Variants in SLCO1B1 observed in about 807,000 individuals in gnomAD.
SLCO1B1 encodes OATP-2.
A neutral mutation model predicts 70.1 loss-of-function variants in SLCO1B1; 81 were observed. That is an observed-to-expected ratio of 1.16 (90% CI 0.97 to 1.39). The LOEUF (loss-of-function observed/expected upper bound fraction) is 1.39, where lower values mean the gene tolerates loss of function less well. SLCO1B1 is among the 40% of genes most tolerant of loss of function. The pLI, the probability that SLCO1B1 is intolerant of heterozygous loss-of-function variation, is 0.00. For missense variants in SLCO1B1, 895 were observed against 799.6 expected (o/e 1.12, Z -1.44); for synonymous variants, 283 against 271.5 (o/e 1.04, Z -0.42).
intron 11 of SLCO1B1, among the ~76,000 whole-genome samples, chr12:21,211,517 A>G (rs536213809): frequency 6.6e-6 from 1 of 152,292 alleles, no homozygotes; most frequent in Admixed American, 6.5e-5. Flanking sequence ...TTGGTCTAAG[A>G]TTCTCTTTTT....
At position 21,177,041 on chromosome 12, in the gene SLCO1B1, G is replaced by A; in HGVS notation, c.481+144G>A. The A allele has an allele frequency of 4.6e-6, 3 of 653,270 alleles. 1 individual carries two copies. The highest frequency in any genetic ancestry group is 8.2e-6 in the Non-Finnish European group (3 of 366,570). 40.5% of individuals were successfully genotyped at this position (653,270 alleles called of 1,614,324 possible). On this transcript the variant is annotated intron_variant, in intron 5 of 14. Coordinates refer to ENST00000256958, the MANE Select transcript of SLCO1B1 (RefSeq NM_006446.5). ...TGACTCTTACAGACATAATTATAGT[G>A]TTAATATACACAGTTCGCCCATTAA... is the stretch of plus-strand genomic sequence containing the variant.
intron 2 of SLCO1B1, among the ~76,000 whole-genome samples, chr12:21,162,942 A>G (rs1462157407): frequency 6.6e-6 from 1 of 152,156 alleles, no homozygotes; most frequent in Non-Finnish European, 1.5e-5. Flanking sequence ...GTGTGAAGTT[A>G]TTTTTGTGGG....
intron 2 of SLCO1B1, among the ~76,000 whole-genome samples, chr12:21,152,354 C>T (rs924672054): frequency 6.6e-6 from 1 of 151,568 alleles, no homozygotes; most frequent in Non-Finnish European, 1.5e-5. Context: ...ATCCAACATC[C>T]TTTCTGTATC....
Position 21,176,859 on chromosome 12 carries a change from TA to T in SLCO1B1, c.444del (p.Leu148PhefsTer10). The part of the protein sequence containing the change: ...TLSTCLINQI[L>X]SLNRASPEIV... ...TCCACTTGTTTAATTAATCAAATTT[TA>T]TCACTCAATAGAGCATCACCTGAGA... On this transcript the variant is annotated frameshift_variant, in exon 5 of 15. Transcript: ENST00000256958. LOFTEE classifies it high-confidence loss of function. 1 of 1,559,286 alleles carries T rather than the reference TA, an allele frequency of 6.4e-7. No individual in the cohort carries two copies. Among genetic ancestry groups the T allele is most frequent in the Non-Finnish European group, 8.8e-7 (1 of 1,129,972 alleles).
chr12:21,219,336 G>T (rs562215569), intron 12 of SLCO1B1, among the ~76,000 whole-genome samples: 1 of 152,262 alleles, frequency 6.6e-6, no homozygotes, highest in East Asian at 1.9e-4. Flanking sequence ...GACATAGGAG[G>T]AACAATCCAG....
intron 14 of SLCO1B1, among the ~76,000 whole-genome samples, chr12:21,232,196 C>G (rs1248915883): frequency 6.6e-6 from 1 of 152,156 alleles, no homozygotes; most frequent in Non-Finnish European, 1.5e-5. Flanking sequence ...TCCCAGGCCA[C>G]CATTGTGAAA....
chr12:21,155,696 C>T (rs1382767126), intron 2 of SLCO1B1, among the ~76,000 whole-genome samples: 1 of 152,126 alleles, frequency 6.6e-6, no homozygotes, highest in Admixed American at 6.6e-5. Flanking sequence ...GGAAATGAGC[C>T]TCAAGGTGAT....
intron 13 of SLCO1B1, 37 bp from the exon 14 acceptor site, chr12:21,224,685 G>T (rs1227278393): frequency 5.9e-6 from 7 of 1,190,444 alleles, no homozygotes; most frequent in South Asian, 1.2e-5. Flanking sequence ...TTTAAAATAT[G>T]TTCCCTAAAC....
intron 2 of SLCO1B1, among the ~76,000 whole-genome samples, chr12:21,169,650 C>T (rs1219107670): frequency 1.3e-5 from 2 of 151,994 alleles, no homozygotes; most frequent in Admixed American, 6.5e-5. Context: ...TGTTCATATT[C>T]TCTTTTAATT....
chr12:21,220,246 T>C (rs1268988433), intron 12 of SLCO1B1, among the ~76,000 whole-genome samples: 2 of 152,158 alleles, frequency 1.3e-5, no homozygotes, highest in African/African-American at 4.8e-5. Flanking sequence ...CAAGAATTTG[T>C]TCTATCTCTA....
At chr12:21,209,705 T>C (rs1591821439) in intron 11 of SLCO1B1, among the ~76,000 whole-genome samples, 3 of 151,304 alleles carry the variant, frequency 2.0e-5, no homozygotes, top group Non-Finnish European at 4.4e-5. Context: ...TTTCTCCACA[T>C]CCTCTCCAGC....
In SLCO1B1 at chr12:21,141,633, A is replaced by C. The variant is rs748310464; in HGVS notation, c.59A>C (p.Lys20Thr). The change falls in exon 2 of 15, where the codon AAA becomes ACA. Residue 20 changes from lysine (K) to threonine (T), a missense_variant. Lys to Thr is a moderately conservative substitution (Grantham distance 78, BLOSUM62 -1). Coordinates refer to ENST00000256958, the MANE Select transcript of SLCO1B1 (RefSeq NM_006446.5). Reference protein sequence around the residue: ...TAEAQPSENKKTRYCNGLKMF... With the variant: ...TAEAQPSENKTTRYCNGLKMF... ...GAGGCACAACCTTCAGAGAATAAGA[A>C]AACAAGATACTGCAATGGATTGAAG... is the stretch of plus-strand genomic sequence containing the variant. 1 of 1,607,652 alleles carries C rather than the reference A, an allele frequency of 6.2e-7. No homozygotes were observed. Among genetic ancestry groups the C allele is most frequent in the South Asian group, 1.1e-5 (1 of 90,674 alleles).
intron 7 of SLCO1B1, among the ~76,000 whole-genome samples, chr12:21,195,091 C>T (rs376981725): frequency 1.3e-5 from 2 of 152,218 alleles, no homozygotes; most frequent in African/African-American, 4.8e-5. Context: ...TTGGATATTA[C>T]ATTTCAGCAG....
chr12:21,141,019 C>G (rs929582156), intron 1 of SLCO1B1, among the ~76,000 whole-genome samples: 1 of 151,748 alleles, frequency 6.6e-6, no homozygotes, highest in Non-Finnish European at 1.5e-5. Flanking sequence ...CTTTTTGAGC[C>G]TGATTCCAGT....
At chr12:21,142,845 T>C (rs1241325085) in intron 2 of SLCO1B1, among the ~76,000 whole-genome samples, 1 of 152,058 alleles carries the variant, frequency 6.6e-6, no homozygotes, top group East Asian at 1.9e-4. Context: ...AGCAATAAAA[T>C]TTCCAGAGTG....
At chr12:21,206,100 C>A in intron 11 of SLCO1B1, 67 bp downstream of exon 11, 1 of 1,333,090 alleles carries the variant, frequency 7.5e-7, no homozygotes, top group Non-Finnish European at 1.1e-6. Flanking sequence ...AATTTTTTAC[C>A]AAATATTTCT....
intron 11 of SLCO1B1, among the ~76,000 whole-genome samples, chr12:21,216,404 T>G (rs567336751): frequency 6.6e-6 from 1 of 152,258 alleles, no homozygotes; most frequent in South Asian, 2.1e-4. Context: ...TCCCTTAAAC[T>G]TTAGCCTAGA....
At chr12:21,178,250 AG>A (rs1448797268) in intron 5 of SLCO1B1, among the ~76,000 whole-genome samples, 1 of 151,978 alleles carries the variant, frequency 6.6e-6, no homozygotes, top group Admixed American at 6.6e-5. Context: ...CCCCTGCAAA[AG>A]CTCTCTTGCC....
chr12:21,199,219 T>C (rs947868220), intron 8 of SLCO1B1, among the ~76,000 whole-genome samples: 7 of 152,172 alleles, frequency 4.6e-5, no homozygotes, highest in African/African-American at 1.4e-4. Context: ...GAGATTTAAA[T>C]AGAGAAAAAT....
Sources: allele counts gnomAD v4.1 joint callset (sites outside exome capture counted in the v4.1 genomes callset), GRCh38; gene constraint gnomAD v4.1.1; transcripts MANE v1.5; gene names NCBI Gene and HGNC (gene_info 2026-07-23, HGNC 2026-07-21).